SPRING1: variants seen among roughly 807,000 people sequenced by gnomAD.
The protein encoded by SPRING1 is SREBF pathway regulator in golgi 1.
Under a neutral mutation model 24.7 loss-of-function variants are expected in SPRING1, and 14 were observed. That is an observed-to-expected ratio of 0.57 (90% CI 0.37 to 0.88). The LOEUF is 0.88. SPRING1 is among the 40% of genes least tolerant of loss of function. SPRING1 has a pLI of 0.00. For synonymous variants in SPRING1, 93 were observed against 106.1 expected, an observed-to-expected ratio of 0.88 and a Z score of 0.76; for missense variants, 255 against 268.4, an observed-to-expected ratio of 0.95 and a Z score of 0.35.
intron 1 of SPRING1, among the ~76,000 whole-genome samples, chr12:116,729,247 T>A (rs1870859506): frequency 6.6e-6 from 1 of 152,166 alleles, no homozygotes; most frequent in Non-Finnish European, 1.5e-5. Context: ...GAAAATCTAT[T>A]CCACACAAAT....
intron 1 of SPRING1, among the ~76,000 whole-genome samples, chr12:116,726,376 A>G (rs1870689835): frequency 6.6e-6 from 1 of 152,256 alleles, no homozygotes; most frequent in Non-Finnish European, 1.5e-5. Context: ...AACAGTGTTT[A>G]CAATTTGACC....
chr12:116,732,206 C>A (rs1871009011), intron 1 of SPRING1, among the ~76,000 whole-genome samples: 1 of 152,222 alleles, frequency 6.6e-6, no homozygotes. Context: ...AGACCCAGTG[C>A]TGACAAGTAT....
rs376812526 is a variant in SPRING1, at chr12:116,717,757, G to A, written c.*53C>T. 1.9e-4 allele frequency: 275 copies of A among 1,464,110 alleles called. 1 individual carries two copies. Among genetic ancestry groups the A allele is most frequent in the Middle Eastern group, 2.3e-4 (1 of 4,328 alleles). The allele number at this position is 1,464,110 out of a possible 1,614,324, so 90.7% of individuals were successfully genotyped here. A position where few individuals can be genotyped will look rare whatever the true frequency, so the allele number is the denominator to read the frequency against. The stretch of plus-strand genomic sequence containing the variant: ...TGGCTGAAGCTGGGTCCCAGGAGGC[G>A]AGTTCTTCAGCGGGGCCTCCTCACC... On this transcript the variant is annotated 3_prime_UTR_variant, in exon 5 of 5. Transcript: ENST00000261318. This position sits in a 1 kb window ranked among gnomAD's most constrained non-coding sequence, Gnocchi z 4.2.
chr12:116,727,285 C>T (rs1191131668), intron 1 of SPRING1, among the ~76,000 whole-genome samples: 1 of 152,186 alleles, frequency 6.6e-6, no homozygotes, highest in Admixed American at 6.5e-5. Context: ...CTCCATATAT[C>T]AGTGCGATCA....
rs1481922883 is a variant in SPRING1 at position 116,715,134 on chromosome 12, C to A, written c.*2676G>T. 6.6e-6 allele frequency: 1 copy of A among 152,094 alleles called. No individual in the cohort carries two copies. Among genetic ancestry groups the A allele is most frequent in the African/African-American group, 2.4e-5 (1 of 41,418 alleles). 9.4% of individuals were successfully genotyped at this position (152,094 alleles called of 1,614,324 possible). A position where few individuals can be genotyped will look rare whatever the true frequency, so the allele number is the denominator to read the frequency against. Reference sequence around the variant, plus strand: ...ATTTTTAGTATAGATGGGGTTTCACCATATTGGTCAGGCTGGTCTGAACTC... The same window carrying A: ...ATTTTTAGTATAGATGGGGTTTCACAATATTGGTCAGGCTGGTCTGAACTC... On this transcript the variant is annotated 3_prime_UTR_variant, in exon 5 of 5. Transcript: ENST00000261318.
Position 116,737,914 on chromosome 12 carries a change from TGGGGCGCGGCGGCC to T in SPRING1, c.-28_-15del, listed in dbSNP as rs778361501. 5.3e-6 allele frequency: 8 copies of T among 1,517,308 alleles called. No homozygotes were observed. The highest frequency in any genetic ancestry group is 2.2e-5 in the Admixed American group (1 of 45,748). 94.0% of individuals were successfully genotyped at this position (1,517,308 alleles called of 1,614,324 possible). ...CAGGTTCACCATCCCGGCGCGGACG[TGGGGCGCGGCGGCC>T]GGGGCGCGGAACGCGGCAGGCCCGG... On this transcript the variant is annotated 5_prime_UTR_variant, in exon 1 of 5. Coordinates refer to ENST00000261318, the MANE Select transcript of SPRING1 (RefSeq NM_024738.4).
intron 1 of SPRING1, among the ~76,000 whole-genome samples, chr12:116,736,210 A>T (rs981503670): frequency 6.6e-6 from 1 of 152,158 alleles, no homozygotes; most frequent in African/African-American, 2.4e-5. Flanking sequence ...CATCAACAGC[A>T]TACCTCCAGA....
rs1477029888 is a variant in SPRING1, at chr12:116,717,243, G to A, written c.*567C>T. On this transcript the variant is annotated 3_prime_UTR_variant, in exon 5 of 5. Transcript: ENST00000261318. This position sits in a 1 kb window ranked among gnomAD's most constrained non-coding sequence, Gnocchi z 4.2. The stretch of plus-strand genomic sequence containing the variant: ...ATACAAACAAAAATAACTGCCTAGA[G>A]AGAATATTCACGTCCTAAAAGAGAA... 1 of 152,204 alleles carries A rather than the reference G, an allele frequency of 6.6e-6. No individual in the cohort carries two copies. Among genetic ancestry groups the A allele is most frequent in the Non-Finnish European group, 1.5e-5 (1 of 68,052 alleles). The allele number at this position is 152,204 out of a possible 1,614,324, so 9.4% of individuals were successfully genotyped here.
chr12:116,725,948 G>C (rs577796640), intron 1 of SPRING1, among the ~76,000 whole-genome samples: 1 of 151,542 alleles, frequency 6.6e-6, no homozygotes, highest in Non-Finnish European at 1.5e-5. Context: ...TGAAAAACAC[G>C]ATTACCAACA....
At chr12:116,724,171 G>A (rs1429404514) in intron 1 of SPRING1, among the ~76,000 whole-genome samples, 1 of 152,158 alleles carries the variant, frequency 6.6e-6, no homozygotes, top group African/African-American at 2.4e-5. Flanking sequence ...AACCTGTCAT[G>A]TGTTGCTTTT....
rs1870047491 is a variant in SPRING1, at chr12:116,714,906, CTT to C, written c.*2902_*2903del. ...TGTCTCAGAGCCCTTTTCACAGTCT[CTT>C]GTGTGCTTCTTTCCCTGTTAGGACC... is the stretch of plus-strand genomic sequence containing the variant. On this transcript the variant is annotated 3_prime_UTR_variant, in exon 5 of 5. Transcript: ENST00000261318. 6.6e-6 allele frequency: 1 copy of C among 151,582 alleles called. No homozygotes were observed. The highest frequency in any genetic ancestry group is 1.5e-5 in the Non-Finnish European group (1 of 67,972). The allele number at this position is 151,582 out of a possible 1,614,324, so 9.4% of individuals were successfully genotyped here.
At position 116,723,056 on chromosome 12, in the gene SPRING1, G is replaced by T. The variant is rs1345448841; in HGVS notation, c.268+11C>A. On this transcript the variant is annotated intron_variant, in intron 2 of 4. Transcript: ENST00000261318. ...CCTGACCGCCTGGAGAGGAAGGGAA[G>T]CCAGCCTCACCGAGTTCATCCGTGA... 3.7e-6 allele frequency: 6 copies of T among 1,612,282 alleles called. No individual in the cohort carries two copies. The highest frequency in any genetic ancestry group is 4.2e-6 in the Non-Finnish European group (5 of 1,180,010).
chr12:116,717,960 AGAGT>A lies in SPRING1; in HGVS notation c.535-71_535-68del. The A allele has an allele frequency of 7.7e-7, 1 of 1,302,136 alleles. No homozygotes were observed. Among genetic ancestry groups the A allele is most frequent in the Non-Finnish European group, 1.0e-6 (1 of 952,402 alleles). The allele number at this position is 1,302,136 out of a possible 1,614,324, so 80.7% of individuals were successfully genotyped here. On this transcript the variant is annotated intron_variant, in intron 4 of 4. Coordinates refer to ENST00000261318, the MANE Select transcript of SPRING1 (RefSeq NM_024738.4). This position sits in a 1 kb window ranked among gnomAD's most constrained non-coding sequence, Gnocchi z 4.2. Reference sequence around the variant, plus strand: ...CAGCTTCACACACCTCCCTCTCGGAAGAGTGAGAGTGGATCGGGACTGTCAGACT... The same window carrying A: ...CAGCTTCACACACCTCCCTCTCGGAAGAGAGTGGATCGGGACTGTCAGACT...
intron 3 of SPRING1, 54 bp from the exon 4 acceptor site, chr12:116,719,930 G>T: frequency 1.4e-6 from 2 of 1,466,066 alleles, no homozygotes; most frequent in South Asian, 1.1e-5. Flanking sequence ...AGCACAAGGT[G>T]ACCTTGGCTA....
chr12:116,737,647 GAGAA>G lies in SPRING1; in HGVS notation c.111+139_111+142del, dbSNP rs767477849. On this transcript the variant is annotated intron_variant, in intron 1 of 4. Coordinates refer to ENST00000261318, the MANE Select transcript of SPRING1 (RefSeq NM_024738.4). Reference sequence around the variant, plus strand: ...AAGGAAGGAGGAAGGAAGGGAAGGGGAGAAAGAAAGGAAGGGAAGGGGTAGGAAG... The same window carrying G: ...AAGGAAGGAGGAAGGAAGGGAAGGGGAGAAAGGAAGGGAAGGGGTAGGAAG... The G allele has an allele frequency of 1.2e-3, 1,104 of 940,842 alleles. 5 individuals carry two copies. The highest frequency in any genetic ancestry group is 1.4e-3 in the Non-Finnish European group (987 of 690,948). The allele number at this position is 940,842 out of a possible 1,614,324, so 58.3% of individuals were successfully genotyped here.
At chr12:116,723,731 C>T (rs1168956912) in intron 1 of SPRING1, among the ~76,000 whole-genome samples, 1 of 152,084 alleles carries the variant, frequency 6.6e-6, no homozygotes, top group Non-Finnish European at 1.5e-5. Context: ...TTTGGGAAAA[C>T]GTGAATTAGG....
At chr12:116,734,432 TAG>T (rs1392207748) in intron 1 of SPRING1, among the ~76,000 whole-genome samples, 2 of 151,990 alleles carry the variant, frequency 1.3e-5, no homozygotes, top group South Asian at 2.1e-4. Context: ...TGTATCAGGG[TAG>T]TGAAAAGGTG....
At chr12:116,721,280 C>T (rs1566057304) in intron 2 of SPRING1, among the ~76,000 whole-genome samples, 1 of 152,220 alleles carries the variant, frequency 6.6e-6, no homozygotes, top group Non-Finnish European at 1.5e-5. Flanking sequence ...CCACCACTGG[C>T]CCCGAGGAAA....
chr12:116,720,268 C>T lies in SPRING1; in HGVS notation c.420+28G>A. 6.4e-7 allele frequency: 1 copy of T among 1,569,992 alleles called. No individual in the cohort carries two copies. The highest frequency in any genetic ancestry group is 8.6e-7 in the Non-Finnish European group (1 of 1,163,516). On this transcript the variant is annotated intron_variant, in intron 3 of 4. Coordinates refer to ENST00000261318, the MANE Select transcript of SPRING1 (RefSeq NM_024738.4). The surrounding 1 kb of genome is among the most constrained non-coding windows in gnomAD (Gnocchi z 4.0). ...AACAGAGGCCGAAAGAAAAAAGGAG[C>T]CGCAGAACCAGGATCAACTCCCCAT...
Sources: allele counts gnomAD v4.1 joint callset (sites outside exome capture counted in the v4.1 genomes callset), GRCh38; gene constraint gnomAD v4.1.1; non-coding constraint Gnocchi (gnomAD v3.1); transcripts MANE v1.5; gene names NCBI Gene and HGNC (gene_info 2026-07-23, HGNC 2026-07-21).